EPHA3: variants seen among roughly 807,000 people sequenced by gnomAD.
EPHA3 encodes the protein ephrin type-A receptor 3.
A neutral mutation model predicts 107.1 loss-of-function variants in EPHA3; 42 were observed. The ratio of observed to expected loss-of-function variants is 0.39; its 90% CI spans 0.31 to 0.51. EPHA3 has a LOEUF of 0.51. Among genes scored for constraint, EPHA3 ranks in the 20% least tolerant of loss-of-function variants. The pLI is 0.78. For synonymous variants in EPHA3, 461 were observed against 424.8 expected (o/e 1.09, Z -1.05); for missense variants, 1,183 against 1,211.2 (o/e 0.98, Z 0.35).
intron 13 of EPHA3, 69 bp downstream of exon 13, chr3:89,431,428 A>T: frequency 7.3e-7 from 1 of 1,369,696 alleles, no homozygotes; most frequent in Non-Finnish European, 1.0e-6. Context: ...TTTGTAAATA[A>T]GTAGAAATCA....
intron 1 of EPHA3, among the ~76,000 whole-genome samples, chr3:89,123,457 T>C (rs531484022): frequency 2.9e-4 from 44 of 152,176 alleles, no homozygotes; most frequent in African/African-American, 9.6e-4. Context: ...ACTTTGTTTT[T>C]ACTCCTTTAC....
intron 1 of EPHA3, among the ~76,000 whole-genome samples, chr3:89,109,945 G>T (rs1448218213): frequency 6.6e-6 from 1 of 151,934 alleles, no homozygotes; most frequent in Non-Finnish European, 1.5e-5. Flanking sequence ...GGTAATACTT[G>T]AGTGAGATTT....
At chr3:89,350,887 C>T (rs982545598) in intron 5 of EPHA3, among the ~76,000 whole-genome samples, 2 of 151,284 alleles carry the variant, frequency 1.3e-5, no homozygotes, top group African/African-American at 2.4e-5. Context: ...TGTGAGGTGT[C>T]AGTGTGCCCC....
chr3:89,395,837 C>T lies in EPHA3; in HGVS notation c.1307C>T (p.Ala436Val), dbSNP rs751932716. Reference protein sequence around the residue: ...AAVSITTNQAAPSPVLTIKKD... With the variant: ...AAVSITTNQAVPSPVLTIKKD... Reference sequence around the variant, plus strand: ...TTCCCCTCCCATCCTCTCTTTACAGCTCCATCACCTGTCCTGACGATTAAG... The same window carrying T: ...TTCCCCTCCCATCCTCTCTTTACAGTTCCATCACCTGTCCTGACGATTAAG... The change falls in exon 6 of 17, where the codon GCT (alanine) becomes GTT (valine). Residue 436 changes from alanine (A) to valine (V), a missense_variant and splice_region_variant. Coordinates refer to ENST00000336596, the MANE Select transcript of EPHA3 (RefSeq NM_005233.6). 15 of 1,613,520 alleles carry T rather than the reference C, an allele frequency of 9.3e-6. No individual in the cohort carries two copies. The highest frequency in any genetic ancestry group is 6.7e-5 in the Admixed American group (4 of 59,936).
intron 3 of EPHA3, among the ~76,000 whole-genome samples, chr3:89,299,781 G>A (rs986570869): frequency 6.6e-6 from 1 of 151,954 alleles, no homozygotes; most frequent in Non-Finnish European, 1.5e-5. Context: ...AATGTATTGG[G>A]CAGGAGTTTG....
intron 2 of EPHA3, among the ~76,000 whole-genome samples, chr3:89,209,497 AT>A (rs1199672241): frequency 6.6e-6 from 1 of 152,064 alleles, no homozygotes; most frequent in Admixed American, 6.6e-5. Context: ...AGTATTATTA[AT>A]TTTTTCTTTT....
chr3:89,160,751 C>A (rs1424151608), intron 2 of EPHA3, among the ~76,000 whole-genome samples: 1 of 152,028 alleles, frequency 6.6e-6, no homozygotes, highest in Non-Finnish European at 1.5e-5. Flanking sequence ...GCTTTCCAGA[C>A]TTTTAATAGG....
chr3:89,167,555 T>C (rs543254974), intron 2 of EPHA3, among the ~76,000 whole-genome samples: 1 of 152,204 alleles, frequency 6.6e-6, no homozygotes, highest in East Asian at 1.9e-4. Context: ...ACTCCATAGT[T>C]TGAAGTTTGT....
intron 5 of EPHA3, among the ~76,000 whole-genome samples, chr3:89,388,321 C>A (rs1273464198): frequency 1.3e-5 from 2 of 152,124 alleles, no homozygotes; most frequent in Non-Finnish European, 2.9e-5. Flanking sequence ...GAGGGACATA[C>A]AGTCTAGTGG....
intron 3 of EPHA3, among the ~76,000 whole-genome samples, chr3:89,218,165 G>A (rs2107198889): frequency 6.6e-6 from 1 of 152,040 alleles, no homozygotes; most frequent in Non-Finnish European, 1.5e-5. Context: ...TATGCTTTAA[G>A]TTTTAGGGTA....
At chr3:89,323,603 C>G (rs905857163) in intron 3 of EPHA3, among the ~76,000 whole-genome samples, 1 of 151,914 alleles carries the variant, frequency 6.6e-6, no homozygotes, top group Non-Finnish European at 1.5e-5. Context: ...CAACAAAAAG[C>G]TTATATTGGA....
At chr3:89,425,635 G>T (rs1327839139) in intron 11 of EPHA3, among the ~76,000 whole-genome samples, 1 of 151,214 alleles carries the variant, frequency 6.6e-6, no homozygotes, top group African/African-American at 2.4e-5. Context: ...TAAACAGTTT[G>T]TTTGAATGAA....
intron 3 of EPHA3, among the ~76,000 whole-genome samples, chr3:89,219,696 T>TTTTG (rs1559606331): frequency 8.0e-5 from 1 of 12,512 alleles, no homozygotes; most frequent in Non-Finnish European, 1.5e-4. Context: ...ATGTTTTTTT[T>TTTTG]TTTTTTGTTT....
At position 89,341,773 on chromosome 3, in the gene EPHA3, G is replaced by T. The variant is rs1559654048; in HGVS notation, c.989G>T (p.Arg330Ile). 2.5e-6 allele frequency: 4 copies of T among 1,610,894 alleles called. No individual in the cohort carries two copies. Among genetic ancestry groups the T allele is most frequent in the Non-Finnish European group, 3.4e-6 (4 of 1,178,280 alleles). ...MACTRPPSSP[R>I]NVISNINETS... is the part of the protein sequence containing the mutation. Reference sequence around the variant, plus strand: ...TTTGCAGGACCTCCATCTTCACCAAGAAATGTTATCTCTAATATAAACGAG... The same window carrying T: ...TTTGCAGGACCTCCATCTTCACCAATAAATGTTATCTCTAATATAAACGAG... Residue 330 changes from arginine to isoleucine, a missense_variant, in exon 5 of 17, where the codon AGA (arginine) becomes ATA (isoleucine). By Grantham distance (97) the Arg-to-Ile change is moderately conservative. Coordinates refer to ENST00000336596, the MANE Select transcript of EPHA3 (RefSeq NM_005233.6).
In EPHA3 at chr3:89,456,512, G is replaced by A. The variant is rs73139293; in HGVS notation, c.2690+6142G>A. ...ATTTAAAAACGTTGTTGCATATACC[G>A]CAATAGAAGTCTTTTTATAATGCAT... is the stretch of plus-strand genomic sequence containing the variant. On this transcript the variant is annotated intron_variant, in intron 15 of 16. Coordinates refer to ENST00000336596, the MANE Select transcript of EPHA3 (RefSeq NM_005233.6). 3.5e-4 allele frequency among the ~76,000 whole-genome samples: 53 copies of A among 152,040 alleles called. 1 individual carries two copies. The highest frequency in any genetic ancestry group is 1.2e-4 in the Non-Finnish European group (8 of 67,982).
chr3:89,255,075 G>T (rs1308221583), intron 3 of EPHA3, among the ~76,000 whole-genome samples: 1 of 152,074 alleles, frequency 6.6e-6, no homozygotes, highest in Non-Finnish European at 1.5e-5. Context: ...CATAAAAAAA[G>T]TTTATGTAAA....
intron 2 of EPHA3, among the ~76,000 whole-genome samples, chr3:89,204,582 C>A (rs1706054871): frequency 1.4e-5 from 2 of 143,804 alleles, no homozygotes; most frequent in East Asian, 2.1e-4. Flanking sequence ...TATAATATAC[C>A]TTTAGAAATA....
At chr3:89,121,418 AC>A (rs989000301) in intron 1 of EPHA3, among the ~76,000 whole-genome samples, 1 of 152,078 alleles carries the variant, frequency 6.6e-6, no homozygotes, top group Non-Finnish European at 1.5e-5. Flanking sequence ...TTATAGTACA[AC>A]ATTTTTATAA....
intron 3 of EPHA3, among the ~76,000 whole-genome samples, chr3:89,295,065 A>G (rs1706313341): frequency 1.3e-5 from 2 of 152,166 alleles, no homozygotes; most frequent in African/African-American, 4.8e-5. Context: ...ACTTGTATGT[A>G]TACACATACC....
Sources: gnomAD v4.1 joint callset for allele counts (sites outside exome capture counted in the v4.1 genomes callset) on GRCh38, gnomAD v4.1.1 for gene constraint, MANE v1.5 for transcripts, NCBI Gene and HGNC (gene_info 2026-07-23, HGNC 2026-07-21) for gene names.